UNC5D: variants seen among roughly 807,000 people sequenced by gnomAD.
UNC5D encodes unc-5 netrin receptor D.
UNC5D carries 39 observed loss-of-function variants against 105.4 expected under a neutral mutation model. The ratio of observed to expected loss-of-function variants is 0.37; its 90% CI spans 0.29 to 0.48. The LOEUF (loss-of-function observed/expected upper bound fraction) is 0.48. Among genes scored for constraint, UNC5D ranks in the 20% least tolerant of loss-of-function variants. The pLI, the probability that UNC5D is intolerant of heterozygous loss-of-function variation, is 0.98. For missense variants in UNC5D, 991 were observed against 1,202.4 expected (o/e 0.82, Z 2.60); for synonymous variants, 452 against 450.4 (o/e 1.00, Z -0.04).
intron 1 of UNC5D, among the ~76,000 whole-genome samples, chr8:35,282,953 C>A (rs1226641660): frequency 6.6e-6 from 1 of 152,082 alleles, no homozygotes; most frequent in Non-Finnish European, 1.5e-5. Flanking sequence ...GCATATGTTT[C>A]TCTTAATAGA....
chr8:35,355,917 A>G (rs897953342), intron 1 of UNC5D, among the ~76,000 whole-genome samples: 11 of 152,036 alleles, frequency 7.2e-5, no homozygotes, highest in Admixed American at 7.2e-4. Context: ...GGCCCTCACC[A>G]GACACTAAAC....
intron 1 of UNC5D, among the ~76,000 whole-genome samples, chr8:35,483,795 G>T (rs1810651577): frequency 1.3e-5 from 2 of 152,124 alleles, no homozygotes; most frequent in Non-Finnish European, 2.9e-5. Flanking sequence ...CAAGAGCAAT[G>T]GTTGAATCAA....
chr8:35,625,920 C>A (rs1821674055), intron 4 of UNC5D, among the ~76,000 whole-genome samples: 1 of 152,146 alleles, frequency 6.6e-6, no homozygotes, highest in Non-Finnish European at 1.5e-5. Flanking sequence ...TTGCAATAAG[C>A]AAACATTGTT....
intron 3 of UNC5D, among the ~76,000 whole-genome samples, chr8:35,584,564 G>A (rs539205092): frequency 6.6e-4 from 100 of 151,822 alleles, no homozygotes; most frequent in Non-Finnish European, 8.7e-4. Flanking sequence ...ACAGGCATGC[G>A]CCCCCAAGCC....
intron 4 of UNC5D, among the ~76,000 whole-genome samples, chr8:35,607,983 T>G (rs749021264): frequency 6.6e-6 from 1 of 152,134 alleles, no homozygotes; most frequent in Non-Finnish European, 1.5e-5. Context: ...TTTCTTCTTA[T>G]AAGGACACCA....
chr8:35,479,590 A>G (rs1283942459), intron 1 of UNC5D, among the ~76,000 whole-genome samples: 1 of 152,196 alleles, frequency 6.6e-6, no homozygotes, highest in African/African-American at 2.4e-5. Flanking sequence ...CATATACACC[A>G]TGGAATAGTA....
At chr8:35,380,974 G>A (rs1055848825) in intron 1 of UNC5D, among the ~76,000 whole-genome samples, 1 of 151,930 alleles carries the variant, frequency 6.6e-6, no homozygotes. Flanking sequence ...TGAGTAAAAG[G>A]GAACGGTATT....
intron 1 of UNC5D, among the ~76,000 whole-genome samples, chr8:35,495,714 A>G (rs1298835963): frequency 5.9e-5 from 9 of 152,196 alleles, no homozygotes; most frequent in African/African-American, 2.2e-4. Context: ...GGATAAAGAC[A>G]GTAGAAATCT....
intron 7 of UNC5D, among the ~76,000 whole-genome samples, chr8:35,688,169 A>C (rs746342410): frequency 1.4e-4 from 22 of 151,836 alleles, no homozygotes; most frequent in Non-Finnish European, 1.8e-4. Context: ...AACAAAAAAA[A>C]ACACACACAA....
intron 4 of UNC5D, among the ~76,000 whole-genome samples, chr8:35,682,432 C>T (rs1010274983): frequency 4.6e-5 from 7 of 152,304 alleles, no homozygotes; most frequent in Middle Eastern, 3.4e-3. Context: ...GATGTCATCA[C>T]GGCCATTGCT....
At chr8:35,615,183 G>A (rs991451085) in intron 4 of UNC5D, among the ~76,000 whole-genome samples, 1 of 152,114 alleles carries the variant, frequency 6.6e-6, no homozygotes, top group Non-Finnish European at 1.5e-5. Context: ...AGGCTGTAGC[G>A]AGGCATGACT....
At chr8:35,523,093 T>C (rs1813603016) in intron 1 of UNC5D, among the ~76,000 whole-genome samples, 1 of 151,414 alleles carries the variant, frequency 6.6e-6, no homozygotes, top group Non-Finnish European at 1.5e-5. Flanking sequence ...TAGTTTTTTT[T>C]TTTTTTTTGA....
chr8:35,425,420 A>G (rs1240254773), intron 1 of UNC5D, among the ~76,000 whole-genome samples: 1 of 152,192 alleles, frequency 6.6e-6, no homozygotes, highest in Non-Finnish European at 1.5e-5. Context: ...CTGTTTATCC[A>G]GGCACAAAAT....
intron 16 of UNC5D, among the ~76,000 whole-genome samples, chr8:35,789,178 T>TATATATATATAC (rs1802908372): frequency 1.0e-5 from 1 of 97,936 alleles, no homozygotes; most frequent in Non-Finnish European, 2.0e-5. Flanking sequence ...TATATATATA[T>TATATATATATAC]ATATATATAT....
intron 1 of UNC5D, among the ~76,000 whole-genome samples, chr8:35,374,961 C>T (rs1449344337): frequency 3.9e-5 from 6 of 152,208 alleles, no homozygotes; most frequent in East Asian, 3.9e-4. Context: ...TTATAAGGAG[C>T]TAAATGTTCT....
chr8:35,533,483 G>C (rs920672690), intron 1 of UNC5D, among the ~76,000 whole-genome samples: 2 of 152,174 alleles, frequency 1.3e-5, no homozygotes, highest in African/African-American at 4.8e-5. Flanking sequence ...GTCTGCAGAG[G>C]TTACTGCTGT....
At chr8:35,338,014 A>G (rs1054212871) in intron 1 of UNC5D, among the ~76,000 whole-genome samples, 4 of 152,248 alleles carry the variant, frequency 2.6e-5, no homozygotes, top group Non-Finnish European at 5.9e-5. Flanking sequence ...TACAGTATTC[A>G]TAATCAGAGT....
chr8:35,662,843 A>G (rs933430324), intron 4 of UNC5D, among the ~76,000 whole-genome samples: 4 of 152,178 alleles, frequency 2.6e-5, no homozygotes, highest in Middle Eastern at 3.2e-3. Context: ...AGCAGGAGGT[A>G]AGAAGCAGGC....
chr8:35,512,535 G>GTATATATATATATATATA lies in UNC5D; in HGVS notation c.104-36754_104-36753insATATATATATATATATAT, dbSNP rs71887063. ...CTGCATAGATTATATATTCAGATAT[G>GTATATATATATATATATA]TATGTATATATATATATATATATAT... is the stretch of plus-strand genomic sequence containing the variant. On this transcript the variant is annotated intron_variant, in intron 1 of 16. Transcript: ENST00000404895. 1.5e-4 allele frequency among the ~76,000 whole-genome samples: 5 copies of GTATATATATATATATATA among 33,448 alleles called. 1 individual carries two copies. The highest frequency in any genetic ancestry group is 6.6e-4 in the African/African-American group (3 of 4,520). The allele number at this position is 33,448 out of a possible 152,430, so 21.9% of individuals were successfully genotyped here. A position where few individuals can be genotyped will look rare whatever the true frequency, so the allele number is the denominator to read the frequency against.
Sources: gnomAD v4.1 joint callset for allele counts (sites outside exome capture counted in the v4.1 genomes callset) on GRCh38, gnomAD v4.1.1 for gene constraint, MANE v1.5 for transcripts, NCBI Gene and HGNC (gene_info 2026-07-23, HGNC 2026-07-21) for gene names.